HDAC9: variants seen among roughly 807,000 people sequenced by gnomAD.
HDAC9 encodes histone deacetylase 9, also known as MEF-2 interacting transcription repressor (MITR) protein.
In HDAC9, 41 loss-of-function variants were observed where a neutral mutation model predicts 139.4. The ratio of observed to expected loss-of-function variants is 0.29; its 90% CI spans 0.23 to 0.38. The LOEUF is 0.38. HDAC9 is among the 10% of genes least tolerant of loss of function. The pLI is 1.00. For synonymous variants in HDAC9, 517 were observed against 476.2 expected, an observed-to-expected ratio of 1.09 and a Z score of -1.12; for missense variants, 1,147 against 1,297.0, an observed-to-expected ratio of 0.88 and a Z score of 1.78.
chr7:18,941,446 A>C (rs1294121905), intron 23 of HDAC9, among the ~76,000 whole-genome samples: 3 of 152,150 alleles, frequency 2.0e-5, no homozygotes, highest in Non-Finnish European at 4.4e-5. Context: ...ACCACCCCTG[A>C]GGTGAACTCT....
rs1786700186 is a variant in HDAC9, at chr7:19,000,535, T to G, written c.*4473T>G. 1 of 152,244 alleles carries G rather than the reference T, an allele frequency of 6.6e-6. No homozygotes were observed. The highest frequency in any genetic ancestry group is 2.4e-5 in the African/African-American group (1 of 41,474). The allele number at this position is 152,244 out of a possible 1,614,324, so 9.4% of individuals were successfully genotyped here. A position where few individuals can be genotyped will look rare whatever the true frequency, so the allele number is the denominator to read the frequency against. On this transcript the variant is annotated 3_prime_UTR_variant, in exon 26 of 26. Transcript: ENST00000686413. ...CTGCAGTCCGTTTTATCTATGATAT[T>G]CCTGGCTTCGTATAATGGTTTTGTA...
chr7:18,583,218 A>G (rs1828367527), intron 2 of HDAC9, among the ~76,000 whole-genome samples: 2 of 152,210 alleles, frequency 1.3e-5, no homozygotes, highest in Admixed American at 6.5e-5. Flanking sequence ...GCAAAAACAA[A>G]CATCTGTTAA....
intron 25 of HDAC9, among the ~76,000 whole-genome samples, chr7:18,986,787 A>G (rs1038012720): frequency 6.6e-6 from 1 of 152,028 alleles, no homozygotes; most frequent in African/African-American, 2.4e-5. Flanking sequence ...GGTCCTTCAC[A>G]TCCCTTGTAA....
intron 2 of HDAC9, among the ~76,000 whole-genome samples, chr7:18,201,906 T>C (rs972109847): frequency 6.6e-6 from 1 of 152,212 alleles, no homozygotes; most frequent in Non-Finnish European, 1.5e-5. Flanking sequence ...AAGAATTAAG[T>C]AGCCGGTAAT....
intron 2 of HDAC9, among the ~76,000 whole-genome samples, chr7:18,528,427 A>C (rs1006341566): frequency 3.3e-5 from 5 of 152,166 alleles, no homozygotes; most frequent in African/African-American, 1.2e-4. Flanking sequence ...AGCCCAGTGA[A>C]GGAAATGGAA....
chr7:18,573,107 A>G lies in HDAC9; in HGVS notation c.23-12174A>G, dbSNP rs1354956367. On this transcript the variant is annotated intron_variant, in intron 2 of 25. Coordinates refer to ENST00000686413, the MANE Select transcript of HDAC9 (RefSeq NM_178425.4). ...TGTTCAGACCCCTGGGAAATAAGAG[A>G]ATAGTAAATCAAAGCCCAGGTTGCT... is the stretch of plus-strand genomic sequence containing the variant. Among the ~76,000 whole-genome samples, 3 of 152,188 alleles carry G rather than the reference A, an allele frequency of 2.0e-5. No homozygotes were observed. In the South Asian group the frequency reaches 6.2e-4, roughly 31 times the overall value.
At chr7:18,155,388 G>A (rs775372875) in intron 1 of HDAC9, among the ~76,000 whole-genome samples, 4 of 152,122 alleles carry the variant, frequency 2.6e-5, no homozygotes, top group African/African-American at 4.8e-5. Context: ...GGCTTACTAC[G>A]AAAAGGTCTG....
intron 12 of HDAC9, among the ~76,000 whole-genome samples, chr7:18,706,556 TAAAC>T (rs1422207309): frequency 2.0e-5 from 3 of 152,190 alleles, no homozygotes; most frequent in Non-Finnish European, 4.4e-5. Context: ...GCAAAACTGA[TAAAC>T]AAAGAACTCC....
At chr7:18,113,739 C>T (rs928575589) in intron 1 of HDAC9, among the ~76,000 whole-genome samples, 5 of 152,158 alleles carry the variant, frequency 3.3e-5, no homozygotes, top group African/African-American at 1.2e-4. Context: ...TATTAGTTTT[C>T]CTGTATTAAA....
At chr7:18,331,141 G>A (rs932595286) in intron 1 of HDAC9, among the ~76,000 whole-genome samples, 4 of 151,684 alleles carry the variant, frequency 2.6e-5, no homozygotes, top group Non-Finnish European at 5.9e-5. Flanking sequence ...AACTTGAAGT[G>A]ATCACATGTG....
intron 16 of HDAC9, among the ~76,000 whole-genome samples, chr7:18,791,975 A>G (rs954187815): frequency 3.3e-5 from 5 of 152,286 alleles, no homozygotes; most frequent in Admixed American, 3.3e-4. Context: ...TCAGGTTTTA[A>G]TGATGAAGCC....
intron 11 of HDAC9, among the ~76,000 whole-genome samples, chr7:18,662,011 A>G (rs1029725926): frequency 3.3e-5 from 5 of 152,170 alleles, no homozygotes; most frequent in African/African-American, 9.6e-5. Flanking sequence ...GTCTTCTGTT[A>G]AAATGTACAT....
At chr7:18,298,865 A>T (rs1798330147) in intron 1 of HDAC9, among the ~76,000 whole-genome samples, 1 of 152,208 alleles carries the variant, frequency 6.6e-6, no homozygotes, top group Admixed American at 6.5e-5. Context: ...TTTTATTAAA[A>T]GTTTCATATC....
intron 24 of HDAC9, among the ~76,000 whole-genome samples, chr7:18,974,403 A>G (rs1357576134): frequency 1.3e-5 from 2 of 152,202 alleles, no homozygotes; most frequent in African/African-American, 4.8e-5. Flanking sequence ...TACACACAGA[A>G]TTGTAATTCT....
chr7:18,555,199 AT>A (rs962811171), intron 2 of HDAC9, among the ~76,000 whole-genome samples: 1 of 152,194 alleles, frequency 6.6e-6, no homozygotes, highest in Non-Finnish European at 1.5e-5. Flanking sequence ...TTGGAAAGAC[AT>A]TTGGCAGTAG....
intron 2 of HDAC9, among the ~76,000 whole-genome samples, chr7:18,526,841 T>G (rs1807099505): frequency 2.0e-5 from 3 of 152,142 alleles, no homozygotes; most frequent in Admixed American, 1.3e-4. Flanking sequence ...TGGAGCATAG[T>G]AACTAATTCA....
At chr7:18,854,586 T>C (rs533628523) in intron 21 of HDAC9, among the ~76,000 whole-genome samples, 5 of 151,944 alleles carry the variant, frequency 3.3e-5, no homozygotes, top group South Asian at 2.1e-4. Flanking sequence ...AGAGAAAATA[T>C]AGAAATGGCT....
At chr7:18,732,944 CACACGT>C (rs1786426058) in intron 13 of HDAC9, among the ~76,000 whole-genome samples, 1 of 74,312 alleles carries the variant, frequency 1.3e-5, no homozygotes, top group Admixed American at 1.2e-4. Context: ...TATGTGTATA[CACACGT>C]GTATGTGTGT....
intron 1 of HDAC9, among the ~76,000 whole-genome samples, chr7:18,113,969 C>T (rs969407935): frequency 6.6e-6 from 1 of 152,140 alleles, no homozygotes; most frequent in Non-Finnish European, 1.5e-5. Flanking sequence ...TTGTAGCTAT[C>T]ACTTTGAGCC....
Sources: gnomAD v4.1 joint callset for allele counts (sites outside exome capture counted in the v4.1 genomes callset) on GRCh38, gnomAD v4.1.1 for gene constraint, MANE v1.5 for transcripts, NCBI Gene and HGNC (gene_info 2026-07-23, HGNC 2026-07-21) for gene names.